TMEM165: variants seen among roughly 807,000 people sequenced by gnomAD.
TMEM165 encodes the protein putative divalent cation/proton antiporter TMEM165.
Under a neutral mutation model 30.0 loss-of-function variants are expected in TMEM165, and 19 were observed. The observed-to-expected ratio is 0.63, with a 90% CI of 0.44 to 0.93. The LOEUF (loss-of-function observed/expected upper bound fraction) is 0.93. Among genes scored for constraint, TMEM165 ranks in the 40% least tolerant of loss-of-function variants. The pLI is 0.00. For synonymous variants in TMEM165, 168 were observed against 162.9 expected (o/e 1.03, Z -0.24); for missense variants, 340 against 417.0 (o/e 0.82, Z 1.61).
intron 3 of TMEM165, chr4:55,435,741 C>A: frequency 2.4e-6 from 2 of 843,474 alleles, no homozygotes; most frequent in Non-Finnish European, 3.8e-6. Context: ...TTTAAAAATT[C>A]TAATTTGGAA....
chr4:55,422,576 C>G (rs41324951), intron 4 of TMEM165, among the ~76,000 whole-genome samples: 34,862 of 152,008 alleles, frequency 0.23, 4,565 homozygotes, highest in South Asian at 0.37. Flanking sequence ...TGACTCTTAA[C>G]TTTAAAAATC....
chr4:55,408,470 A>G (rs912287915), intron 1 of TMEM165, among the ~76,000 whole-genome samples: 4 of 152,218 alleles, frequency 2.6e-5, no homozygotes, highest in Non-Finnish European at 5.9e-5. Flanking sequence ...GCGTGTTACT[A>G]TATTAAATAC....
At chr4:55,427,334 CCTA>C (rs1190431430), downstream of TMEM165, among the ~76,000 whole-genome samples, 3 of 147,300 alleles carry the variant, frequency 2.0e-5, no homozygotes, top group Non-Finnish European at 3.0e-5. Flanking sequence ...CCATGCTTGG[CCTA>C]CTAATACGTT....
At chr4:55,441,191 G>A (rs1046457147) in intron 3 of TMEM165, among the ~76,000 whole-genome samples, 14 of 152,136 alleles carry the variant, frequency 9.2e-5, no homozygotes, top group African/African-American at 2.9e-4. Context: ...TAGATGTTCA[G>A]GGAAACTCAA....
chr4:55,398,596 G>C (rs2109514414), intron 1 of TMEM165, among the ~76,000 whole-genome samples: 1 of 152,052 alleles, frequency 6.6e-6, no homozygotes. Context: ...CTCCTTTTTT[G>C]GGAACTTTAT....
intron 3 of TMEM165, chr4:55,449,490 G>C (rs1724234239): frequency 6.2e-7 from 1 of 1,613,722 alleles, no homozygotes; most frequent in South Asian, 1.1e-5. Flanking sequence ...GATCTTGGTT[G>C]GTGTTGCTGA....
Position 55,417,171 on chromosome 4 carries a change from G to T in TMEM165, c.533G>T (p.Gly178Val), listed in dbSNP as rs1250973217. Reference sequence around the variant, plus strand: ...TTTGGCATTAGAATGCTTCGGGAAGGCTTAAAGATGAGCCCTGATGAGGGT... The same window carrying T: ...TTTGGCATTAGAATGCTTCGGGAAGTCTTAAAGATGAGCCCTGATGAGGGT... ...AIFGIRMLREGLKMSPDEGQE... is the reference protein window; with the variant it reads ...AIFGIRMLREVLKMSPDEGQE... Residue 178 changes from glycine to valine, a missense_variant, in exon 3 of 6, where the codon GGC becomes GTC. By Grantham distance (109) the Gly-to-Val change is moderately radical (BLOSUM62 -3). Coordinates refer to ENST00000381334, the MANE Select transcript of TMEM165 (RefSeq NM_018475.5). The T allele has an allele frequency of 6.2e-7, 1 of 1,613,878 alleles. No individual in the cohort carries two copies. The highest frequency in any genetic ancestry group is 1.7e-5 in the Admixed American group (1 of 59,972).
In TMEM165 at chr4:55,448,925, T is replaced by G. The variant is rs1724180430; in HGVS notation, c.409-3314T>G. 4 of 1,285,832 alleles carry G rather than the reference T, an allele frequency of 3.1e-6. No homozygotes were observed. In the East Asian group the frequency reaches 7.0e-5, roughly 23 times the overall value. The allele number at this position is 1,285,832 out of a possible 1,614,324, so 79.7% of individuals were successfully genotyped here. A position where few individuals can be genotyped will look rare whatever the true frequency, so the allele number is the denominator to read the frequency against. ...ATTCTCATTCCCATACATGAGTACT[T>G]CCAGCAGAAATATCAATATGATATT... is the stretch of plus-strand genomic sequence containing the variant. On this transcript the variant is annotated intron_variant, in intron 3 of 3. Coordinates refer to the TMEM165 transcript ENST00000608091.
At chr4:55,412,197 C>T (rs1310366736) in intron 2 of TMEM165, 2 of 295,962 alleles carry the variant, frequency 6.8e-6, no homozygotes, top group Non-Finnish European at 1.3e-5. Context: ...GTTCCGAGAT[C>T]AGCCTGACCA....
rs532235169 is a variant in TMEM165 at position 55,395,993 on chromosome 4, C to A, written c.-197C>A. On this transcript the variant is annotated 5_prime_UTR_variant, in exon 1 of 6. Transcript: ENST00000381334. Reference sequence around the variant, plus strand: ...AGCCGCCGCCGGAGAGGACGGGCGCCGAGCCGGGGCTGCGGACTTCGGCCT... The same window carrying A: ...AGCCGCCGCCGGAGAGGACGGGCGCAGAGCCGGGGCTGCGGACTTCGGCCT... 2.5e-6 allele frequency: 1 copy of A among 400,218 alleles called. No homozygotes were observed. Among genetic ancestry groups the A allele is most frequent in the Non-Finnish European group, 4.3e-6 (1 of 234,068 alleles). 24.8% of individuals were successfully genotyped at this position (400,218 alleles called of 1,614,324 possible).
exon 4 of TMEM165, chr4:55,452,834 T>C (rs1724585846): frequency 7.0e-6 from 3 of 425,572 alleles, no homozygotes; most frequent in Admixed American, 7.4e-5. Flanking sequence ...GAATAAATGG[T>C]AGTTTTGAGA....
In TMEM165 at chr4:55,401,339, T is replaced by C. The variant is rs187879253; in HGVS notation, c.207+4943T>C. On this transcript the variant is annotated intron_variant, in intron 1 of 5. Coordinates refer to ENST00000381334, the MANE Select transcript of TMEM165 (RefSeq NM_018475.5). ...TCTGCAGTTTATGTTTCTAGTGACT[T>C]ACTCAATAGTTTTTTCTTACTCTTT... 1.3e-5 allele frequency among the ~76,000 whole-genome samples: 2 copies of C among 150,812 alleles called. 1 individual carries two copies. Among genetic ancestry groups the C allele is most frequent in the African/African-American group, 5.0e-5 (2 of 40,098 alleles).
intron 4 of TMEM165, among the ~76,000 whole-genome samples, chr4:55,420,098 G>GAAAAAAA (rs370641089): frequency 0.073 from 3,056 of 42,038 alleles, 276 homozygotes; most frequent in East Asian, 0.13. Context: ...ACTATCTTAA[G>GAAAAAAA]AAAAAAAAAT....
chr4:55,434,461 T>C (rs1342863128), intron 3 of TMEM165: 3 of 152,482 alleles, frequency 2.0e-5, no homozygotes, highest in Non-Finnish European at 4.4e-5. Flanking sequence ...TATAACAAAA[T>C]ATGCAATCAA....
intron 3 of TMEM165, chr4:55,438,501 C>T: frequency 6.2e-7 from 1 of 1,613,636 alleles, no homozygotes; most frequent in South Asian, 1.1e-5. Context: ...CAGGAGCAGT[C>T]ACTAATTTGG....
At chr4:55,443,995 A>G (rs1723584570) in intron 3 of TMEM165, 4 of 1,056,124 alleles carry the variant, frequency 3.8e-6, no homozygotes, top group African/African-American at 1.6e-5. Flanking sequence ...TATGTTTAAA[A>G]AGCAAGTAAC....
chr4:55,403,492 C>CTTTTTTTTTTTTTTTTTTTTTT (rs71664292), intron 1 of TMEM165, among the ~76,000 whole-genome samples: 3 of 124,508 alleles, frequency 2.4e-5, no homozygotes, highest in Non-Finnish European at 3.2e-5. Flanking sequence ...GTGCCTTTTT[C>CTTTTTTTTTTTTTTTTTTTTTT]TTTTTCTTTT....
At chr4:55,432,349 G>C (rs1047917523) in intron 3 of TMEM165, 1 of 151,914 alleles carries the variant, frequency 6.6e-6, no homozygotes, top group African/African-American at 2.4e-5. Flanking sequence ...TATGATAACT[G>C]CAAGTCCAAA....
intron 1 of TMEM165, among the ~76,000 whole-genome samples, chr4:55,402,795 C>CGTTTTTTTTTTTTTT (rs1721080690): frequency 1.4e-5 from 1 of 71,400 alleles, no homozygotes; most frequent in Admixed American, 2.0e-4. Context: ...TTAAAAAAAG[C>CGTTTTTTTTTTTTTT]TTTTTTTTTT....
Sources: allele counts gnomAD v4.1 joint callset (sites outside exome capture counted in the v4.1 genomes callset), GRCh38; gene constraint gnomAD v4.1.1; transcripts MANE v1.5; gene names NCBI Gene and HGNC (gene_info 2026-07-23, HGNC 2026-07-21).